Variants in WSCD2 observed in about 807,000 individuals in gnomAD.
WSCD2 encodes WSC domain sialate O sulfotransferase 2.
A neutral mutation model predicts 55.7 loss-of-function variants in WSCD2; 28 were observed. The observed-to-expected ratio is 0.50, with a 90% confidence interval of 0.37 to 0.69. The LOEUF is 0.69. Among genes scored for constraint, WSCD2 ranks in the 30% least tolerant of loss-of-function variants. The pLI, the probability that WSCD2 is intolerant of heterozygous loss-of-function variation, is 0.00. For missense variants in WSCD2, 616 were observed against 762.1 expected (o/e 0.81, Z 2.26); for synonymous variants, 301 against 301.9 (o/e 1.00, Z 0.03).
chr12:108,222,522 T>G (rs891903544), intron 4 of WSCD2, among the ~76,000 whole-genome samples: 10 of 152,266 alleles, frequency 6.6e-5, no homozygotes, highest in African/African-American at 2.4e-4. Context: ...ATGGTTTTGA[T>G]CACACTGTGT....
At chr12:108,145,527 T>C (rs1877296349) in intron 1 of WSCD2, among the ~76,000 whole-genome samples, 1 of 152,220 alleles carries the variant, frequency 6.6e-6, no homozygotes, top group Admixed American at 6.5e-5. Context: ...CTTAGGACCC[T>C]CATGCGCTGC....
At chr12:108,200,464 A>G (rs1345672764) in intron 2 of WSCD2, among the ~76,000 whole-genome samples, 1 of 151,628 alleles carries the variant, frequency 6.6e-6, no homozygotes, top group African/African-American at 2.4e-5. Context: ...AAGATCTCTA[A>G]CTCCATTCAT....
intron 4 of WSCD2, among the ~76,000 whole-genome samples, chr12:108,211,441 G>T (rs529135179): frequency 2.5e-3 from 386 of 152,224 alleles, no homozygotes; most frequent in African/African-American, 8.8e-3. Flanking sequence ...ATGCCAGGAT[G>T]CTGGTCCATA....
intron 4 of WSCD2, among the ~76,000 whole-genome samples, chr12:108,212,590 TTCTCTC>T (rs111941873): frequency 5.1e-5 from 6 of 118,430 alleles, no homozygotes; most frequent in Admixed American, 8.9e-5. Context: ...CCACCCCCAT[TTCTCTC>T]TCTCTCTCTC....
At chr12:108,136,724 C>T (rs1445120971) in intron 1 of WSCD2, among the ~76,000 whole-genome samples, 3 of 150,508 alleles carry the variant, frequency 2.0e-5, no homozygotes, top group Non-Finnish European at 2.9e-5. Flanking sequence ...CCTCAAAGCC[C>T]GTGTTCTCAG....
intron 4 of WSCD2, among the ~76,000 whole-genome samples, chr12:108,219,771 C>T (rs1187803277): frequency 6.6e-6 from 1 of 152,156 alleles, no homozygotes; most frequent in Non-Finnish European, 1.5e-5. Context: ...CAGGACAACC[C>T]CAAAGGGGCC....
At chr12:108,227,456 A>G (rs1417712824) in intron 6 of WSCD2, among the ~76,000 whole-genome samples, 1 of 152,260 alleles carries the variant, frequency 6.6e-6, no homozygotes, top group Non-Finnish European at 1.5e-5. Context: ...CACTGGCTGC[A>G]ACACAGATTC....
At chr12:108,178,717 TATTAG>T (rs1457420389) in intron 1 of WSCD2, among the ~76,000 whole-genome samples, 1 of 150,556 alleles carries the variant, frequency 6.6e-6, no homozygotes, top group African/African-American at 2.5e-5. Context: ...CTACCTGACA[TATTAG>T]ATTAAAGCAC....
In WSCD2 at chr12:108,188,159, T is replaced by G. The variant is rs1379633605; in HGVS notation, c.-551-7123T>G. On this transcript the variant is annotated intron_variant, in intron 1 of 8. Coordinates refer to ENST00000547525, the MANE Select transcript of WSCD2 (RefSeq NM_014653.4). ...GAGTTTTGGGGAAGATAAATGAAAATGGACATGGTTGGCAGGCTGTGAGCG... is the reference window on the plus strand; with the variant it reads ...GAGTTTTGGGGAAGATAAATGAAAAGGGACATGGTTGGCAGGCTGTGAGCG... Among the ~76,000 whole-genome samples, 3 of 152,022 alleles carry G rather than the reference T, an allele frequency of 2.0e-5. No individual in the cohort carries two copies. The East Asian group carries it at 5.8e-4, about 29-fold the overall frequency.
intron 1 of WSCD2, among the ~76,000 whole-genome samples, chr12:108,159,020 T>A (rs1478025007): frequency 1.3e-5 from 2 of 152,148 alleles, no homozygotes; most frequent in African/African-American, 4.8e-5. Flanking sequence ...GAAACACACA[T>A]CTGATGGTTA....
chr12:108,227,289 G>A, intron 6 of WSCD2, 125 bp downstream of exon 6: 4 of 1,168,082 alleles, frequency 3.4e-6, no homozygotes, highest in Admixed American at 2.8e-5. Context: ...CCAGAGGGCA[G>A]GGCTGATGAA....
Position 108,239,575 on chromosome 12 carries a change from C to T in WSCD2, c.1145-769C>T, listed in dbSNP as rs76236736. On this transcript the variant is annotated intron_variant, in intron 7 of 8. Transcript: ENST00000547525. ...TTGAGACTGTGCTAAAGACCTACTT[C>T]CGCCCTCATTCTATGGGCCACAGGA... Among the ~76,000 whole-genome samples, 1,097 of 152,306 alleles carry T rather than the reference C, an allele frequency of 7.2e-3. 8 individuals are homozygous for T. Among genetic ancestry groups the T allele is most frequent in the Non-Finnish European group, 0.01 (700 of 68,032 alleles).
At chr12:108,211,648 T>C (rs1056943183) in intron 4 of WSCD2, among the ~76,000 whole-genome samples, 2 of 146,334 alleles carry the variant, frequency 1.4e-5, no homozygotes, top group African/African-American at 5.0e-5. Flanking sequence ...TATATATATA[T>C]ATACATATAT....
At chr12:108,185,001 T>C (rs1326693622) in intron 1 of WSCD2, among the ~76,000 whole-genome samples, 1 of 152,166 alleles carries the variant, frequency 6.6e-6, no homozygotes, top group East Asian at 1.9e-4. Flanking sequence ...CCTAAGCCCC[T>C]TCCCCCATAA....
chr12:108,141,441 T>C (rs1434529794), intron 1 of WSCD2, among the ~76,000 whole-genome samples: 1 of 152,158 alleles, frequency 6.6e-6, no homozygotes, highest in East Asian at 1.9e-4. Flanking sequence ...TCTGGAGGTT[T>C]GAAGTCTAAA....
At chr12:108,223,865 G>A (rs1373751120) in intron 4 of WSCD2, among the ~76,000 whole-genome samples, 1 of 152,206 alleles carries the variant, frequency 6.6e-6, no homozygotes, top group Non-Finnish European at 1.5e-5. Flanking sequence ...GGCCAACTCT[G>A]TAGTGCAATT....
intron 1 of WSCD2, chr12:108,189,264 G>T (rs966315268): frequency 6.6e-6 from 1 of 152,152 alleles, no homozygotes; most frequent in Non-Finnish European, 1.5e-5. Context: ...GGGAAGGGAA[G>T]AAATCAATAA....
At chr12:108,155,834 A>T (rs564197618) in intron 1 of WSCD2, among the ~76,000 whole-genome samples, 1 of 152,284 alleles carries the variant, frequency 6.6e-6, no homozygotes, top group Non-Finnish European at 1.5e-5. Flanking sequence ...TCTGCCTCCC[A>T]TATTGTCTGG....
At chr12:108,140,769 A>T (rs1388959146) in intron 1 of WSCD2, among the ~76,000 whole-genome samples, 1 of 152,006 alleles carries the variant, frequency 6.6e-6, no homozygotes, top group Non-Finnish European at 1.5e-5. Context: ...TGCTGTGATC[A>T]CTGTCCCTGT....
Sources: allele counts gnomAD v4.1 joint callset (sites outside exome capture counted in the v4.1 genomes callset), GRCh38; gene constraint gnomAD v4.1.1; transcripts MANE v1.5; gene names NCBI Gene and HGNC (gene_info 2026-07-23, HGNC 2026-07-21).